Variants in DNAAF9 observed in about 807,000 individuals in gnomAD.
DNAAF9 encodes shulin.
Under a neutral mutation model 167.0 loss-of-function variants are expected in DNAAF9, and 90 were observed. The observed-to-expected ratio is 0.54, with a 90% CI of 0.45 to 0.64. The LOEUF (loss-of-function observed/expected upper bound fraction) is 0.64, where lower values mean the gene tolerates loss of function less well. DNAAF9 is among the 30% of genes least tolerant of loss of function. The pLI, the probability that DNAAF9 is intolerant of heterozygous loss-of-function variation, is 0.00. For missense variants in DNAAF9, 1,315 were observed against 1,442.2 expected, an observed-to-expected ratio of 0.91 and a Z score of 1.43; for synonymous variants, 491 against 508.8, an observed-to-expected ratio of 0.96 and a Z score of 0.47.
rs534696200 is a variant in DNAAF9, at chr20:3,270,690, T to C, written c.2651-128A>G. 65 of 686,228 alleles carry C rather than the reference T, an allele frequency of 9.5e-5. 1 individual carries two copies. The South Asian group carries it at 9.9e-4, about 10-fold the overall frequency. 42.5% of individuals were successfully genotyped at this position (686,228 alleles called of 1,614,324 possible). A position where few individuals can be genotyped will look rare whatever the true frequency, so the allele number is the denominator to read the frequency against. The stretch of plus-strand genomic sequence containing the variant: ...GTAGTCTCCTGATGGAGACAACCCT[T>C]ACACCCCAATACCAACATAAACAGC... On this transcript the variant is annotated intron_variant, in intron 29 of 36. Coordinates refer to ENST00000252032, the MANE Select transcript of DNAAF9 (RefSeq NM_001009984.3).
At chr20:3,284,696 T>C (rs1406343677) in intron 27 of DNAAF9, among the ~76,000 whole-genome samples, 2 of 152,234 alleles carry the variant, frequency 1.3e-5, no homozygotes, top group South Asian at 2.1e-4. Context: ...AATTTAAGCC[T>C]ACAATCTGAG....
At chr20:3,370,111 T>A (rs1016952653) in intron 6 of DNAAF9, among the ~76,000 whole-genome samples, 6 of 152,250 alleles carry the variant, frequency 3.9e-5, no homozygotes, top group African/African-American at 1.4e-4. Flanking sequence ...ATAACTGTTA[T>A]GCAGAGCTTC....
At chr20:3,255,388 G>C in intron 34 of DNAAF9, 104 bp from the exon 35 acceptor site, 1 of 707,438 alleles carries the variant, frequency 1.4e-6, no homozygotes, top group African/African-American at 1.8e-5. Flanking sequence ...CTCAGCAGTG[G>C]GGAAAGCACG....
chr20:3,388,866 G>C (rs1456814176), intron 1 of DNAAF9, among the ~76,000 whole-genome samples: 1 of 152,162 alleles, frequency 6.6e-6, no homozygotes, highest in Non-Finnish European at 1.5e-5. Flanking sequence ...GTGGATGGAT[G>C]GTGGTGATTT....
intron 30 of DNAAF9, among the ~76,000 whole-genome samples, chr20:3,266,248 C>A (rs946557835): frequency 6.6e-6 from 1 of 152,168 alleles, no homozygotes; most frequent in African/African-American, 2.4e-5. Context: ...TGAGTTTAAT[C>A]GTTTGTTCAA....
At chr20:3,391,496 A>G (rs1332381901) in intron 1 of DNAAF9, among the ~76,000 whole-genome samples, 1 of 152,134 alleles carries the variant, frequency 6.6e-6, no homozygotes, top group Non-Finnish European at 1.5e-5. Context: ...TATTACATAA[A>G]AACCTAAAGT....
At chr20:3,355,245 T>C (rs935841468) in intron 7 of DNAAF9, among the ~76,000 whole-genome samples, 38 of 152,228 alleles carry the variant, frequency 2.5e-4, no homozygotes, top group African/African-American at 7.2e-4. Context: ...AAATTTCTGA[T>C]GTTATTTTTC....
chr20:3,298,803 T>C (rs578049792), intron 21 of DNAAF9, among the ~76,000 whole-genome samples: 3 of 152,326 alleles, frequency 2.0e-5, no homozygotes, highest in Admixed American at 6.5e-5. Flanking sequence ...ATTTTTTCAT[T>C]TGCTGTCCGT....
At chr20:3,370,138 T>A (rs1458692576) in intron 6 of DNAAF9, among the ~76,000 whole-genome samples, 1 of 152,224 alleles carries the variant, frequency 6.6e-6, no homozygotes, top group Non-Finnish European at 1.5e-5. Context: ...TGGGTCTCCA[T>A]CCCCTTATAT....
intron 10 of DNAAF9, among the ~76,000 whole-genome samples, chr20:3,338,648 A>ATTTT (rs140772082): frequency 1.3e-4 from 16 of 121,756 alleles, no homozygotes; most frequent in Non-Finnish European, 1.7e-4. Flanking sequence ...TTCTTGGATG[A>ATTTT]TTTTTTTTTT....
chr20:3,305,307 G>C (rs2069271048), intron 20 of DNAAF9, among the ~76,000 whole-genome samples: 1 of 152,220 alleles, frequency 6.6e-6, no homozygotes, highest in African/African-American at 2.4e-5. Flanking sequence ...AGCACCCAAA[G>C]CACCCATAAG....
rs990481854 is a variant in DNAAF9, at chr20:3,276,003, A to G, written c.2650+2909T>C. 2.0e-5 allele frequency among the ~76,000 whole-genome samples: 3 copies of G among 152,220 alleles called. No individual in the cohort carries two copies. The South Asian group carries it at 6.2e-4, about 32-fold the overall frequency. On this transcript the variant is annotated intron_variant, in intron 29 of 36. Coordinates refer to ENST00000252032, the MANE Select transcript of DNAAF9 (RefSeq NM_001009984.3). The stretch of plus-strand genomic sequence containing the variant: ...TCACACCAGCATTATAATGAGTCTT[A>G]CTTGCTGTTTAAGCACTGAGATTAT...
chr20:3,349,205 A>AAAAAAAG (rs2070261045), intron 7 of DNAAF9, among the ~76,000 whole-genome samples: 1 of 59,190 alleles, frequency 1.7e-5, no homozygotes, highest in Admixed American at 2.0e-4. Flanking sequence ...AAAAAAAAAC[A>AAAAAAAG]AAAAAAAAAA....
At chr20:3,293,875 TGA>T (rs2069014124) in intron 25 of DNAAF9, among the ~76,000 whole-genome samples, 1 of 152,028 alleles carries the variant, frequency 6.6e-6, no homozygotes, top group Admixed American at 6.6e-5. Context: ...TAAATGTTCT[TGA>T]GAGGCCAGGG....
At chr20:3,364,949 T>TC (rs2083411253) in intron 6 of DNAAF9, among the ~76,000 whole-genome samples, 1 of 148,632 alleles carries the variant, frequency 6.7e-6, no homozygotes, top group East Asian at 2.0e-4. Flanking sequence ...CCTTTTTTCT[T>TC]TTTTTTTTTT....
intron 7 of DNAAF9, among the ~76,000 whole-genome samples, chr20:3,349,206 A>AAAAC (rs2070261550): frequency 6.8e-6 from 1 of 147,532 alleles, no homozygotes; most frequent in African/African-American, 2.6e-5. Context: ...AAAAAAAACA[A>AAAAC]AAAAAAAAAA....
chr20:3,400,988 C>T lies in DNAAF9; in HGVS notation c.83+6487G>A, dbSNP rs191410273. 2.6e-5 allele frequency among the ~76,000 whole-genome samples: 4 copies of T among 152,310 alleles called. No individual in the cohort carries two copies. The East Asian group carries it at 7.7e-4, about 29-fold the overall frequency. On this transcript the variant is annotated intron_variant, in intron 1 of 36. Transcript: ENST00000252032. Reference sequence around the variant, plus strand: ...AAGTAAACTGGAGGCTGAAGCTTCACATTTTCAGGTATTCCAGGGCATTGG... The same window carrying T: ...AAGTAAACTGGAGGCTGAAGCTTCATATTTTCAGGTATTCCAGGGCATTGG...
chr20:3,270,021 G>A (rs1400700902), intron 30 of DNAAF9, among the ~76,000 whole-genome samples: 5 of 149,934 alleles, frequency 3.3e-5, no homozygotes, highest in South Asian at 2.1e-4. Context: ...TTTCTTTTTC[G>A]AGATGGAGTA....
chr20:3,280,165 AG>A (rs1451163697), intron 28 of DNAAF9, among the ~76,000 whole-genome samples: 2 of 152,216 alleles, frequency 1.3e-5, no homozygotes, highest in Admixed American at 1.3e-4. Flanking sequence ...GGCTGGAACA[AG>A]GGAAGATACA....
Sources: allele counts gnomAD v4.1 joint callset (sites outside exome capture counted in the v4.1 genomes callset), GRCh38; gene constraint gnomAD v4.1.1; transcripts MANE v1.5; gene names NCBI Gene and HGNC (gene_info 2026-07-23, HGNC 2026-07-21).